The following PPP1R9A variants were observed in gnomAD, a reference collection of about 807,000 sequenced individuals.
PPP1R9A encodes neurabin-1.
Under a neutral mutation model 141.9 loss-of-function variants are expected in PPP1R9A, and 59 were observed. The observed-to-expected ratio is 0.42, with a 90% CI of 0.34 to 0.52. The LOEUF (loss-of-function observed/expected upper bound fraction) is 0.52, where lower values mean the gene tolerates loss of function less well. Ranked by LOEUF, PPP1R9A falls within the 20% of genes least tolerant of loss-of-function variation. The probability of loss-of-function intolerance (pLI) is 0.10; values close to 1 mark genes in which losing one functional copy is unlikely to be tolerated. For synonymous variants in PPP1R9A, 500 were observed against 569.7 expected (o/e 0.88, Z 1.74); for missense variants, 1,444 against 1,611.9 (o/e 0.90, Z 1.78).
At chr7:95,031,836 G>A (rs1225202961) in intron 2 of PPP1R9A, among the ~76,000 whole-genome samples, 3 of 151,718 alleles carry the variant, frequency 2.0e-5, no homozygotes, top group Admixed American at 6.6e-5. Flanking sequence ...TAATTCATAT[G>A]TAATTATGGA....
intron 18 of PPP1R9A, among the ~76,000 whole-genome samples, chr7:95,286,883 GAAGGCACCAT>G (rs1430613480): frequency 7.9e-5 from 12 of 152,132 alleles, no homozygotes; most frequent in African/African-American, 2.9e-4. Flanking sequence ...AGGGAGGACA[GAAGGCACCAT>G]AAATAAAGAT....
At chr7:95,229,851 C>T (rs62467346) in intron 8 of PPP1R9A, among the ~76,000 whole-genome samples, 13,462 of 151,234 alleles carry the variant, frequency 0.089, 865 homozygotes, top group Non-Finnish European at 0.14. Flanking sequence ...GGCTGGAATC[C>T]AACCAATACA....
chr7:95,288,401 TA>T, intron 18 of PPP1R9A, 134 bp from the exon 19 acceptor site: 2 of 1,291,176 alleles, frequency 1.5e-6, no homozygotes, highest in African/African-American at 3.0e-5. Flanking sequence ...CTAACACCAC[TA>T]GAACCATTAG....
chr7:95,001,392 A>G (rs1802899981), intron 2 of PPP1R9A, among the ~76,000 whole-genome samples: 1 of 152,202 alleles, frequency 6.6e-6, no homozygotes, highest in Admixed American at 6.6e-5. Context: ...TCGCATAACC[A>G]TGATGGTGAT....
chr7:94,918,288 T>C (rs1197423291), intron 2 of PPP1R9A, among the ~76,000 whole-genome samples: 1 of 152,002 alleles, frequency 6.6e-6, no homozygotes, highest in Non-Finnish European at 1.5e-5. Context: ...TCTAGCGTCA[T>C]TTCCCAGTCA....
chr7:95,135,500 T>C (rs1825481649), intron 4 of PPP1R9A, among the ~76,000 whole-genome samples: 1 of 152,218 alleles, frequency 6.6e-6, no homozygotes, highest in Non-Finnish European at 1.5e-5. Context: ...TTTTTTGATC[T>C]AGTTTGTTCT....
intron 2 of PPP1R9A, among the ~76,000 whole-genome samples, chr7:95,051,678 A>G (rs1810820804): frequency 6.6e-6 from 1 of 152,120 alleles, no homozygotes; most frequent in African/African-American, 2.4e-5. Context: ...GTTTGCTACT[A>G]TTGGAACATA....
intron 6 of PPP1R9A, 55 bp downstream of exon 6, chr7:95,198,539 T>C (rs1836623704): frequency 6.7e-7 from 1 of 1,499,378 alleles, no homozygotes; most frequent in African/African-American, 1.4e-5. Context: ...CATGAAACTC[T>C]CTCTACTGTA....
chr7:95,154,281 G>C (rs1257614326), intron 4 of PPP1R9A, among the ~76,000 whole-genome samples: 1 of 151,824 alleles, frequency 6.6e-6, no homozygotes, highest in African/African-American at 2.4e-5. Context: ...TCCAGTGTTT[G>C]TTCAGGAGCA....
chr7:95,250,556 C>T (rs866716394), intron 10 of PPP1R9A, among the ~76,000 whole-genome samples: 1 of 152,112 alleles, frequency 6.6e-6, no homozygotes, highest in African/African-American at 2.4e-5. Context: ...TTTTGAAACA[C>T]CTCTATGATT....
chr7:95,002,704 G>A (rs892322720), intron 2 of PPP1R9A, among the ~76,000 whole-genome samples: 5 of 152,140 alleles, frequency 3.3e-5, no homozygotes, highest in African/African-American at 1.2e-4. Context: ...ACAGTGTAGA[G>A]TCAGGAAGAA....
At chr7:94,954,834 C>T (rs982777272) in intron 2 of PPP1R9A, among the ~76,000 whole-genome samples, 1 of 146,322 alleles carries the variant, frequency 6.8e-6, no homozygotes, top group Non-Finnish European at 1.5e-5. Flanking sequence ...TGTAAATATG[C>T]GTGTGTGTGT....
At chr7:95,072,851 T>G (rs1814155855) in intron 2 of PPP1R9A, among the ~76,000 whole-genome samples, 1 of 109,190 alleles carries the variant, frequency 9.2e-6, no homozygotes, top group Non-Finnish European at 1.7e-5. Flanking sequence ...TTATATATAA[T>G]ATAAGTTATA....
At chr7:95,114,384 G>A (rs147381502) in intron 3 of PPP1R9A, among the ~76,000 whole-genome samples, 1 of 152,154 alleles carries the variant, frequency 6.6e-6, no homozygotes, top group Non-Finnish European at 1.5e-5. Context: ...GTATTAAAAA[G>A]TAGGGAATGA....
At chr7:95,247,988 A>T (rs1798351333) in intron 9 of PPP1R9A, among the ~76,000 whole-genome samples, 1 of 151,580 alleles carries the variant, frequency 6.6e-6, no homozygotes, top group Non-Finnish European at 1.5e-5. Context: ...ATACATGCAT[A>T]ATTTAAGTGC....
intron 4 of PPP1R9A, among the ~76,000 whole-genome samples, chr7:95,135,737 AT>A (rs1156337394): frequency 6.6e-6 from 1 of 151,834 alleles, no homozygotes; most frequent in African/African-American, 2.4e-5. Flanking sequence ...CTTTAAAAAA[AT>A]ATTTGCCTTC....
intron 2 of PPP1R9A, among the ~76,000 whole-genome samples, chr7:95,097,296 G>A (rs1818174248): frequency 6.6e-6 from 1 of 152,170 alleles, no homozygotes; most frequent in Non-Finnish European, 1.5e-5. Context: ...AAATTGCTGT[G>A]ATTACAGGTG....
intron 4 of PPP1R9A, among the ~76,000 whole-genome samples, chr7:95,134,481 G>C (rs1397364592): frequency 1.3e-5 from 2 of 152,166 alleles, no homozygotes; most frequent in Non-Finnish European, 2.9e-5. Flanking sequence ...TTGTTGCCCA[G>C]TCTAGAGTGC....
intron 7 of PPP1R9A, among the ~76,000 whole-genome samples, chr7:95,205,014 A>G (rs1180348099): frequency 6.6e-6 from 1 of 150,952 alleles, no homozygotes; most frequent in African/African-American, 2.4e-5. Context: ...CACCACACAC[A>G]CGCCACACAC....
Sources: allele counts gnomAD v4.1 joint callset (sites outside exome capture counted in the v4.1 genomes callset), GRCh38; gene constraint gnomAD v4.1.1; transcripts MANE v1.5; gene names NCBI Gene and HGNC (gene_info 2026-07-23, HGNC 2026-07-21).